The following SNTG1 variants were observed in gnomAD, a reference collection of about 807,000 sequenced individuals.
The protein encoded by SNTG1 is gamma-1-syntrophin.
In SNTG1, 39 loss-of-function variants were observed where a neutral mutation model predicts 74.7. The ratio of observed to expected loss-of-function variants is 0.52; its 90% CI spans 0.40 to 0.68. SNTG1 has a LOEUF of 0.68. Among genes scored for constraint, SNTG1 ranks in the 30% least tolerant of loss-of-function variants. SNTG1 has a pLI of 0.00. For synonymous variants in SNTG1, 254 were observed against 217.1 expected (o/e 1.17, Z -1.49); for missense variants, 685 against 609.5 (o/e 1.12, Z -1.30).
chr8:50,288,413 A>G (rs1270014473), intron 2 of SNTG1, among the ~76,000 whole-genome samples: 3 of 152,210 alleles, frequency 2.0e-5, no homozygotes, highest in African/African-American at 7.2e-5. Context: ...AGAATGTGTA[A>G]TGTAATGTAA....
At chr8:50,439,702 T>G (rs1349160858) in intron 5 of SNTG1, among the ~76,000 whole-genome samples, 1 of 150,888 alleles carries the variant, frequency 6.6e-6, no homozygotes, top group Non-Finnish European at 1.5e-5. Context: ...TAAATGAGAT[T>G]TTTTTTTGTT....
At chr8:50,688,107 G>C (rs1283078241) in intron 15 of SNTG1, among the ~76,000 whole-genome samples, 3 of 152,010 alleles carry the variant, frequency 2.0e-5, no homozygotes, top group Non-Finnish European at 4.4e-5. Context: ...GGGGTTGTTT[G>C]TTTTTTTCTT....
intron 11 of SNTG1, among the ~76,000 whole-genome samples, chr8:50,542,590 TC>T (rs1357795319): frequency 6.6e-6 from 1 of 152,212 alleles, no homozygotes; most frequent in Non-Finnish European, 1.5e-5. Flanking sequence ...TGATTTCCTT[TC>T]TTTAAAATGT....
chr8:50,504,364 AC>A (rs1563488800), intron 9 of SNTG1, among the ~76,000 whole-genome samples: 1 of 152,150 alleles, frequency 6.6e-6, no homozygotes, highest in African/African-American at 2.4e-5. Context: ...ATACCATTTG[AC>A]CCAGCAATCC....
intron 2 of SNTG1, among the ~76,000 whole-genome samples, chr8:50,212,920 A>T (rs1036859738): frequency 2.1e-4 from 32 of 152,190 alleles, no homozygotes; most frequent in African/African-American, 7.5e-4. Context: ...AACGTGTGGA[A>T]GCAACCCCAG....
intron 1 of SNTG1, among the ~76,000 whole-genome samples, chr8:49,978,625 T>C (rs1812400930): frequency 6.6e-6 from 1 of 152,168 alleles, no homozygotes; most frequent in South Asian, 2.1e-4. Context: ...TTTCATTTAA[T>C]AGTCTACCAG....
chr8:50,784,450 G>A (rs1286011778), intron 18 of SNTG1, among the ~76,000 whole-genome samples: 2 of 152,012 alleles, frequency 1.3e-5, no homozygotes, highest in Non-Finnish European at 2.9e-5. Context: ...ACTAAAAAGG[G>A]CATTTTATAA....
intron 1 of SNTG1, among the ~76,000 whole-genome samples, chr8:49,995,386 A>G (rs1184263191): frequency 6.6e-6 from 1 of 152,222 alleles, no homozygotes; most frequent in Non-Finnish European, 1.5e-5. Flanking sequence ...GTTATGTTTG[A>G]GAATAGAGAA....
At chr8:50,271,305 A>G (rs1413681127) in intron 2 of SNTG1, among the ~76,000 whole-genome samples, 1 of 152,168 alleles carries the variant, frequency 6.6e-6, no homozygotes, top group Non-Finnish European at 1.5e-5. Context: ...AAACAATATA[A>G]CTTTCCATTT....
At chr8:50,673,621 A>G (rs58828022) in intron 15 of SNTG1, among the ~76,000 whole-genome samples, 4,181 of 152,254 alleles carry the variant, frequency 0.027, 167 homozygotes, top group African/African-American at 0.092. Context: ...GTCATCTGCA[A>G]AAAGAGACAA....
chr8:50,238,186 C>T (rs1193273729), intron 2 of SNTG1, among the ~76,000 whole-genome samples: 1 of 152,060 alleles, frequency 6.6e-6, no homozygotes, highest in Middle Eastern at 3.2e-3. Context: ...ATAACCAAAG[C>T]AACCCTAAGC....
At chr8:50,784,049 C>A (rs528596733) in intron 18 of SNTG1, among the ~76,000 whole-genome samples, 2 of 152,192 alleles carry the variant, frequency 1.3e-5, no homozygotes, top group Admixed American at 6.5e-5. Context: ...AGGTTTACTA[C>A]TTTACCTCCA....
intron 13 of SNTG1, among the ~76,000 whole-genome samples, chr8:50,604,543 G>C (rs1395318252): frequency 6.6e-6 from 1 of 152,122 alleles, no homozygotes; most frequent in Non-Finnish European, 1.5e-5. Context: ...TTACAGGCAG[G>C]GGAGTTCTGC....
chr8:50,490,951 T>G (rs1221285737), intron 8 of SNTG1: 1 of 153,234 alleles, frequency 6.5e-6, no homozygotes, highest in Non-Finnish European at 1.5e-5. Flanking sequence ...CAAGACAATT[T>G]TGGAGCTGGA....
At position 50,791,679 on chromosome 8, in the gene SNTG1, T is replaced by C. The variant is rs13249050; in HGVS notation, c.1396-992T>C. Among the ~76,000 whole-genome samples, 4 of 152,006 alleles carry C rather than the reference T, an allele frequency of 2.6e-5. 1 individual carries two copies. The South Asian group carries it at 6.2e-4, about 24-fold the overall frequency. On this transcript the variant is annotated intron_variant, in intron 18 of 18. Coordinates refer to ENST00000642720, the MANE Select transcript of SNTG1 (RefSeq NM_018967.5). The stretch of plus-strand genomic sequence containing the variant: ...TTCTAAATTCTTTATTACATATATG[T>C]AGTGAAATATATAATAAAATAGCAA...
chr8:50,330,015 G>C (rs186890144), intron 2 of SNTG1, among the ~76,000 whole-genome samples: 1 of 152,078 alleles, frequency 6.6e-6, no homozygotes, highest in Non-Finnish European at 1.5e-5. Context: ...GAAGTTCCGC[G>C]TATCCATTTG....
chr8:50,080,871 G>T (rs539014410), intron 1 of SNTG1, among the ~76,000 whole-genome samples: 1 of 151,864 alleles, frequency 6.6e-6, no homozygotes, highest in East Asian at 1.9e-4. Flanking sequence ...CATTACATTG[G>T]GTATATTAAC....
intron 2 of SNTG1, among the ~76,000 whole-genome samples, chr8:50,214,165 A>G (rs969318194): frequency 2.0e-5 from 3 of 149,438 alleles, no homozygotes; most frequent in African/African-American, 7.4e-5. Flanking sequence ...AGAACAAAAA[A>G]CCAAACACCG....
intron 1 of SNTG1, among the ~76,000 whole-genome samples, chr8:50,042,790 G>A (rs1211208809): frequency 6.6e-6 from 1 of 150,456 alleles, no homozygotes; most frequent in Admixed American, 6.6e-5. Flanking sequence ...CTAAATTCTT[G>A]GATTCCAGTG....
Sources: gnomAD v4.1 joint callset for allele counts (sites outside exome capture counted in the v4.1 genomes callset) on GRCh38, gnomAD v4.1.1 for gene constraint, MANE v1.5 for transcripts, NCBI Gene and HGNC (gene_info 2026-07-23, HGNC 2026-07-21) for gene names.